Variants in PDE4D observed in about 807,000 individuals in gnomAD.
The protein encoded by PDE4D is phosphodiesterase 4D, also known as 3',5'-cyclic-AMP phosphodiesterase 4D.
PDE4D carries 24 observed loss-of-function variants against 87.4 expected under a neutral mutation model. That is an observed-to-expected ratio of 0.27 (90% CI 0.20 to 0.39). The LOEUF (loss-of-function observed/expected upper bound fraction) is 0.39. Ranked by LOEUF, PDE4D falls within the 10% of genes least tolerant of loss-of-function variation. The pLI is 1.00. For synonymous variants in PDE4D, 384 were observed against 383.2 expected (o/e 1.00, Z -0.02); for missense variants, 714 against 1,041.0 (o/e 0.69, Z 4.32).
Position 59,893,560 on chromosome 5 carries a change from G to T in PDE4D, c.63C>A (p.Ala21=). The change falls in exon 1 of 15, where the codon GCC becomes GCA. Residue 21 remains alanine (A), a synonymous_variant. Transcript: ENST00000340635. The stretch of plus-strand genomic sequence containing the variant: ...TGGGGGCTTTGAGCGTGGCCCCGCC[G>T]GCGCTGTCGCTGCCCTCTCCGCTGC... ...RAGSGEGSDS[A]GGATLKAPKH... The T allele has an allele frequency of 6.5e-7, 1 of 1,536,654 alleles. No homozygotes were observed. Among genetic ancestry groups the T allele is most frequent in the Non-Finnish European group, 8.8e-7 (1 of 1,141,314 alleles).
At chr5:59,651,270 T>TAAG (rs1373971353) in intron 1 of PDE4D, among the ~76,000 whole-genome samples, 32 of 138,366 alleles carry the variant, frequency 2.3e-4, no homozygotes, top group East Asian at 9.9e-4. Context: ...ATAATAATAA[T>TAAG]AATAATAATA....
intron 1 of PDE4D, among the ~76,000 whole-genome samples, chr5:59,439,156 C>T (rs775004669): frequency 2.0e-4 from 31 of 152,108 alleles, no homozygotes; most frequent in South Asian, 4.2e-4. Context: ...GTCAGGAATT[C>T]GAGACCAGCT....
At chr5:60,219,997 C>G (rs1583116085) in intron 1 of PDE4D, among the ~76,000 whole-genome samples, 1 of 152,184 alleles carries the variant, frequency 6.6e-6, no homozygotes, top group East Asian at 1.9e-4. Context: ...ATATTGGCTA[C>G]TTGAATGGAC....
chr5:59,493,783 G>C (rs1306661788), intron 1 of PDE4D, among the ~76,000 whole-genome samples: 1 of 152,170 alleles, frequency 6.6e-6, no homozygotes, highest in Non-Finnish European at 1.5e-5. Context: ...TAATAGGTAG[G>C]AAGAGTGATT....
chr5:60,428,845 G>A (rs551918126), intron 1 of PDE4D, among the ~76,000 whole-genome samples: 3 of 152,268 alleles, frequency 2.0e-5, no homozygotes, highest in African/African-American at 7.2e-5. Flanking sequence ...AAGAATAAGT[G>A]AATGGCAAAG....
At chr5:60,021,140 T>C (rs1187986948) in intron 2 of PDE4D, 1 of 152,166 alleles carries the variant, frequency 6.6e-6, no homozygotes, top group Non-Finnish European at 1.5e-5. Context: ...ACAAAGGAAC[T>C]ATAAGGGGAA....
At chr5:59,305,530 G>A (rs1173155060) in intron 1 of PDE4D, among the ~76,000 whole-genome samples, 2 of 151,918 alleles carry the variant, frequency 1.3e-5, no homozygotes, top group South Asian at 2.1e-4. Context: ...TTTGATGTAG[G>A]CATTTAGGGC....
At chr5:59,776,994 G>T (rs1004419389) in intron 1 of PDE4D, among the ~76,000 whole-genome samples, 2 of 152,164 alleles carry the variant, frequency 1.3e-5, no homozygotes, top group African/African-American at 2.4e-5. Flanking sequence ...GACTCGCCTG[G>T]CTCTAAATCC....
chr5:60,143,250 A>G (rs1780693495), intron 2 of PDE4D, among the ~76,000 whole-genome samples: 1 of 152,228 alleles, frequency 6.6e-6, no homozygotes, highest in Non-Finnish European at 1.5e-5. Flanking sequence ...CATGTTTGCA[A>G]ATAATGCCAC....
At chr5:60,190,747 T>C (rs559197155) in intron 1 of PDE4D, among the ~76,000 whole-genome samples, 1 of 152,306 alleles carries the variant, frequency 6.6e-6, no homozygotes, top group African/African-American at 2.4e-5. Context: ...TGTCAACCCA[T>C]CTTGTAGTCT....
intron 1 of PDE4D, among the ~76,000 whole-genome samples, chr5:59,737,095 C>CTT (rs1758171140): frequency 1.3e-5 from 2 of 151,878 alleles, no homozygotes; most frequent in South Asian, 4.2e-4. Flanking sequence ...CTGTTATACT[C>CTT]TTTGAAATTC....
intron 5 of PDE4D, chr5:59,039,645 C>A (rs972960612): frequency 8.1e-6 from 3 of 370,620 alleles, no homozygotes; most frequent in East Asian, 1.6e-4. Context: ...AACCCCCTTA[C>A]GAAAAGATTC....
At chr5:60,052,009 A>C (rs1410278417) in intron 2 of PDE4D, among the ~76,000 whole-genome samples, 1 of 152,188 alleles carries the variant, frequency 6.6e-6, no homozygotes, top group African/African-American at 2.4e-5. Context: ...TGAATCCCTA[A>C]ATAGACCAAT....
rs116950666 is a variant in PDE4D at position 59,452,420 on chromosome 5, G to A, written c.456-236452C>T. Among the ~76,000 whole-genome samples the A allele has an allele frequency of 5.6e-3, 846 of 152,264 alleles. 27 individuals are homozygous for A. In the East Asian group the frequency reaches 0.075, roughly 14 times the overall value. ...GATGGAAGAGTTGAAATGCCAAATA[G>A]GGGACTGTGAGGCAACTTAGGGGTT... On this transcript the variant is annotated intron_variant, in intron 1 of 14. Coordinates refer to ENST00000340635, the MANE Select transcript of PDE4D (RefSeq NM_001104631.2).
At position 59,046,708 on chromosome 5, in the gene PDE4D, T is replaced by C. The variant is rs146634035; in HGVS notation, c.809-7737A>G. ...GTTTTATTCATTGAAGGGACTGAGC[T>C]TGAAGGCCAGATTGGCCCAAGCAGA... On this transcript the variant is annotated intron_variant, in intron 5 of 14. Coordinates refer to ENST00000340635, the MANE Select transcript of PDE4D (RefSeq NM_001104631.2). Among the ~76,000 whole-genome samples the C allele has an allele frequency of 6.6e-4, 100 of 152,296 alleles. 1 individual carries two copies. The highest frequency in any genetic ancestry group is 3.4e-3 in the Middle Eastern group (1 of 294).
At chr5:59,082,757 A>G (rs963837561) in intron 5 of PDE4D, among the ~76,000 whole-genome samples, 9 of 152,188 alleles carry the variant, frequency 5.9e-5, no homozygotes, top group African/African-American at 2.2e-4. Context: ...TTAATCTATG[A>G]GTTAAATGCA....
intron 1 of PDE4D, among the ~76,000 whole-genome samples, chr5:59,758,366 G>A (rs1398885614): frequency 6.6e-6 from 1 of 152,164 alleles, no homozygotes; most frequent in Non-Finnish European, 1.5e-5. Flanking sequence ...AGGTTATAAA[G>A]CTATATTATT....
At chr5:59,876,551 C>T (rs1022796197) in intron 1 of PDE4D, among the ~76,000 whole-genome samples, 1 of 152,210 alleles carries the variant, frequency 6.6e-6, no homozygotes, top group South Asian at 2.1e-4. Flanking sequence ...TATTCCACTG[C>T]TCTAAGTTAT....
At chr5:59,940,789 A>G (rs144195600) in intron 3 of PDE4D, among the ~76,000 whole-genome samples, 69 of 152,230 alleles carry the variant, frequency 4.5e-4, no homozygotes, top group Non-Finnish European at 9.0e-4. Context: ...GTGTAGAGAT[A>G]TTAACTTGAG....
Sources: allele counts gnomAD v4.1 joint callset (sites outside exome capture counted in the v4.1 genomes callset), GRCh38; gene constraint gnomAD v4.1.1; transcripts MANE v1.5; gene names NCBI Gene and HGNC (gene_info 2026-07-23, HGNC 2026-07-21).